THSD7B: variants seen among roughly 807,000 people sequenced by gnomAD.
THSD7B encodes the protein thrombospondin type-1 domain-containing protein 7B.
A neutral mutation model predicts 213.6 loss-of-function variants in THSD7B; 138 were observed. The ratio of observed to expected loss-of-function variants is 0.65; its 90% confidence interval spans 0.56 to 0.74. The LOEUF is 0.74. Ranked by LOEUF, THSD7B falls within the 30% of genes least tolerant of loss-of-function variation. THSD7B has a pLI of 0.00. For missense variants in THSD7B, 1,931 were observed against 1,991.5 expected, an observed-to-expected ratio of 0.97 and a Z score of 0.58; for synonymous variants, 742 against 687.0, an observed-to-expected ratio of 1.08 and a Z score of -1.25.
intron 15 of THSD7B, among the ~76,000 whole-genome samples, chr2:137,504,005 G>A (rs1454117562): frequency 6.9e-5 from 10 of 144,104 alleles, no homozygotes; most frequent in African/African-American, 1.6e-4. Flanking sequence ...CCAGCCTGGC[G>A]ACAGAGTGAG....
In THSD7B at chr2:136,791,288, CA is replaced by C. The variant is rs907715957; in HGVS notation, c.-36+25603del. Among the ~76,000 whole-genome samples the C allele has an allele frequency of 7.2e-5, 11 of 151,976 alleles. No homozygotes were observed. In the East Asian group the frequency reaches 1.9e-3, roughly 27 times the overall value. ...GGAAACCTGGCAAGGAATAGTTATG[CA>C]ACCATCTCCACAACCCGGTAATTTT... is the stretch of plus-strand genomic sequence containing the variant. On this transcript the variant is annotated intron_variant, in intron 1 of 27. Coordinates refer to ENST00000409968, the MANE Select transcript of THSD7B (RefSeq NM_001316349.2).
chr2:137,077,307 G>A (rs1370307719), intron 3 of THSD7B, among the ~76,000 whole-genome samples: 1 of 152,090 alleles, frequency 6.6e-6, no homozygotes, highest in Non-Finnish European at 1.5e-5. Context: ...TGTCTTTATA[G>A]CAGCATGTTT....
intron 2 of THSD7B, among the ~76,000 whole-genome samples, chr2:137,024,221 C>T (rs1315068755): frequency 6.6e-6 from 1 of 152,138 alleles, no homozygotes; most frequent in African/African-American, 2.4e-5. Flanking sequence ...ACTCTCTCCT[C>T]AGGAGAATGG....
chr2:137,174,684 G>T (rs1450423769), intron 7 of THSD7B, among the ~76,000 whole-genome samples: 1 of 152,132 alleles, frequency 6.6e-6, no homozygotes, highest in Non-Finnish European at 1.5e-5. Flanking sequence ...TTTTCAAGAG[G>T]TAAATTGCTT....
chr2:137,395,986 AT>A (rs1159852204), intron 12 of THSD7B, among the ~76,000 whole-genome samples: 1 of 152,116 alleles, frequency 6.6e-6, no homozygotes, highest in East Asian at 1.9e-4. Flanking sequence ...GGTAGTTTGT[AT>A]TTCTGTGGGA....
chr2:136,946,129 C>T (rs1684932215), intron 2 of THSD7B, among the ~76,000 whole-genome samples: 2 of 152,024 alleles, frequency 1.3e-5, no homozygotes, highest in South Asian at 2.1e-4. Flanking sequence ...TGTTGGTGAT[C>T]TACATATGGG....
At chr2:137,575,038 G>A (rs1681430371) in intron 17 of THSD7B, among the ~76,000 whole-genome samples, 1 of 151,980 alleles carries the variant, frequency 6.6e-6, no homozygotes, top group Non-Finnish European at 1.5e-5. Context: ...ACTATTTGTT[G>A]GGTATTTTCT....
intron 2 of THSD7B, among the ~76,000 whole-genome samples, chr2:136,996,600 C>T (rs1464613272): frequency 3.3e-5 from 5 of 152,132 alleles, no homozygotes; most frequent in Non-Finnish European, 7.3e-5. Flanking sequence ...CCTGCCTAAA[C>T]CTCCTAAAGT....
intron 12 of THSD7B, among the ~76,000 whole-genome samples, chr2:137,367,372 C>T (rs1355205884): frequency 6.6e-6 from 1 of 152,096 alleles, no homozygotes; most frequent in East Asian, 1.9e-4. Flanking sequence ...GCAGGTTACA[C>T]AGATAGGTTT....
chr2:137,450,271 G>C lies in THSD7B; in HGVS notation c.2960-574G>C, dbSNP rs117179824. On this transcript the variant is annotated intron_variant, in intron 14 of 27. Coordinates refer to ENST00000409968, the MANE Select transcript of THSD7B (RefSeq NM_001316349.2). ...AGGTAGAGCTAGAACTTCCAAAGCTGTACTTCAACCCACATCTCTTGATTT... is the reference window on the plus strand; with the variant it reads ...AGGTAGAGCTAGAACTTCCAAAGCTCTACTTCAACCCACATCTCTTGATTT... 1.2e-3 allele frequency among the ~76,000 whole-genome samples: 178 copies of C among 152,294 alleles called. 4 individuals are homozygous for C. In the East Asian group the frequency reaches 0.03, roughly 25 times the overall value.
chr2:137,017,554 G>A (rs144813360), intron 2 of THSD7B, among the ~76,000 whole-genome samples: 2 of 152,238 alleles, frequency 1.3e-5, no homozygotes, highest in African/African-American at 4.8e-5. Context: ...TCACAGGGAT[G>A]ATATTTGGGT....
At chr2:136,852,954 C>T (rs1432256002) in intron 1 of THSD7B, among the ~76,000 whole-genome samples, 1 of 152,164 alleles carries the variant, frequency 6.6e-6, no homozygotes, top group Non-Finnish European at 1.5e-5. Flanking sequence ...GAAAGTACTT[C>T]TGCCTTCCTA....
At chr2:137,298,331 G>A (rs1379456332) in intron 12 of THSD7B, among the ~76,000 whole-genome samples, 3 of 152,140 alleles carry the variant, frequency 2.0e-5, no homozygotes, top group Admixed American at 6.5e-5. Context: ...GCATTCAAGA[G>A]GTGACTTGGG....
chr2:137,335,941 T>C (rs1439806536), intron 12 of THSD7B, among the ~76,000 whole-genome samples: 1 of 152,178 alleles, frequency 6.6e-6, no homozygotes, highest in Non-Finnish European at 1.5e-5. Flanking sequence ...GTATATTTTC[T>C]TAATTTTCTT....
chr2:136,963,594 T>C (rs1310811232), intron 2 of THSD7B, among the ~76,000 whole-genome samples: 3 of 152,190 alleles, frequency 2.0e-5, no homozygotes, highest in Non-Finnish European at 4.4e-5. Flanking sequence ...CAGTGAGCCA[T>C]GATTGCACCA....
In THSD7B at chr2:137,663,490, G is replaced by T. The variant is rs374510945; in HGVS notation, c.4566G>T (p.Val1522=). The T allele has an allele frequency of 1.2e-5, 20 of 1,604,676 alleles. No individual in the cohort carries two copies. The highest frequency in any genetic ancestry group is 1.7e-5 in the Non-Finnish European group (20 of 1,175,056). ...GCTCAGAGGATAAAAAAGCTGATGT[G>T]AAAAACCTTTCTGGGAAAAACAGAC... ...VPGSEDKKAD[V]KNLSGKNRPV... The change falls in exon 26 of 28, where the codon GTG becomes GTT. Residue 1522 remains valine (V), a synonymous_variant. Coordinates refer to ENST00000409968, the MANE Select transcript of THSD7B (RefSeq NM_001316349.2).
intron 1 of THSD7B, among the ~76,000 whole-genome samples, chr2:136,846,248 G>T (rs1375276143): frequency 2.0e-5 from 3 of 152,000 alleles, no homozygotes; most frequent in Non-Finnish European, 4.4e-5. Flanking sequence ...TGTCTCCTTG[G>T]TTATCACACT....
At chr2:137,296,175 A>G (rs1042783421) in intron 12 of THSD7B, among the ~76,000 whole-genome samples, 14 of 152,294 alleles carry the variant, frequency 9.2e-5, no homozygotes, top group Admixed American at 9.2e-4. Flanking sequence ...ATATTGACCC[A>G]AAAGCTTCAG....
intron 5 of THSD7B, among the ~76,000 whole-genome samples, chr2:137,154,566 C>A (rs1679877434): frequency 6.6e-6 from 1 of 151,882 alleles, no homozygotes; most frequent in Non-Finnish European, 1.5e-5. Flanking sequence ...TTTAAATGAA[C>A]TGAAATTTAA....
Sources: allele counts gnomAD v4.1 joint callset (sites outside exome capture counted in the v4.1 genomes callset), GRCh38; gene constraint gnomAD v4.1.1; transcripts MANE v1.5; gene names NCBI Gene and HGNC (gene_info 2026-07-23, HGNC 2026-07-21).